The following PRDM6 variants were observed in gnomAD, a reference collection of about 807,000 sequenced individuals.
The protein encoded by PRDM6 is PR/SET domain 6, also known as putative histone-lysine N-methyltransferase PRDM6.
In PRDM6, 25 loss-of-function variants were observed where a neutral mutation model predicts 60.8. The observed-to-expected ratio is 0.41, with a 90% CI of 0.30 to 0.57. The LOEUF is 0.57. PRDM6 is among the 20% of genes least tolerant of loss of function. The pLI is 0.27. For synonymous variants in PRDM6, 407 were observed against 357.4 expected (o/e 1.14, Z -1.57); for missense variants, 839 against 821.3 (o/e 1.02, Z -0.26).
At chr5:123,153,460 C>T (rs1295294922) in intron 3 of PRDM6, among the ~76,000 whole-genome samples, 2 of 152,076 alleles carry the variant, frequency 1.3e-5, no homozygotes, top group African/African-American at 4.8e-5. Context: ...TTGTTCAACT[C>T]TGGGTATGTA....
intron 6 of PRDM6, among the ~76,000 whole-genome samples, chr5:123,177,004 A>G (rs1766027536): frequency 6.6e-6 from 1 of 152,218 alleles, no homozygotes. Context: ...ATATTGAAAG[A>G]CGTGGAGTTA....
At chr5:123,130,173 TCC>T (rs1561836416) in intron 3 of PRDM6, among the ~76,000 whole-genome samples, 3 of 33,218 alleles carry the variant, frequency 9.0e-5, no homozygotes, top group African/African-American at 3.6e-4. Flanking sequence ...TCCCCTCCCC[TCC>T]CCTTCCCTTC....
At chr5:123,154,193 A>G (rs1190801199) in intron 3 of PRDM6, among the ~76,000 whole-genome samples, 1 of 152,260 alleles carries the variant, frequency 6.6e-6, no homozygotes, top group Non-Finnish European at 1.5e-5. Context: ...AGAAACAACT[A>G]CAGTGTAATC....
Position 123,187,411 on chromosome 5 carries a change from G to T in PRDM6, c.*210G>T. The T allele has an allele frequency of 2.6e-6, 1 of 389,394 alleles. No homozygotes were observed. The highest frequency in any genetic ancestry group is 4.8e-6 in the Non-Finnish European group (1 of 208,814). 24.1% of individuals were successfully genotyped at this position (389,394 alleles called of 1,614,324 possible). A position where few individuals can be genotyped will look rare whatever the true frequency, so the allele number is the denominator to read the frequency against. ...TTATTTATTTATGACTTAGGGATGA[G>T]ACTTATTTCAGTGGACAACTAACCT... On this transcript the variant is annotated 3_prime_UTR_variant, in exon 8 of 8. Coordinates refer to ENST00000407847, the MANE Select transcript of PRDM6 (RefSeq NM_001136239.4).
intron 3 of PRDM6, among the ~76,000 whole-genome samples, chr5:123,117,741 G>A (rs370850355): frequency 2.7e-5 from 4 of 149,048 alleles, no homozygotes; most frequent in East Asian, 4.0e-4. Flanking sequence ...AGTGTGTCAC[G>A]TTGGGATGAA....
intron 7 of PRDM6, among the ~76,000 whole-genome samples, chr5:123,186,762 CT>C (rs1766297578): frequency 6.6e-6 from 1 of 152,232 alleles, no homozygotes; most frequent in African/African-American, 2.4e-5. Flanking sequence ...TGCAGGCAAG[CT>C]GCTTCTTTGA....
At chr5:123,120,231 T>G (rs1352120256) in intron 3 of PRDM6, among the ~76,000 whole-genome samples, 1 of 152,256 alleles carries the variant, frequency 6.6e-6, no homozygotes, top group East Asian at 1.9e-4. Flanking sequence ...CAAATGTGCA[T>G]AATTTAAAAA....
intron 3 of PRDM6, among the ~76,000 whole-genome samples, chr5:123,127,758 C>CCTTTCTTTCTTTCTTT (rs767465284): frequency 2.7e-5 from 4 of 145,486 alleles, no homozygotes; most frequent in African/African-American, 1.0e-4. Context: ...TCCTTTCTTT[C>CCTTTCTTTCTTTCTTT]CTTTCTTTCT....
chr5:123,092,933 T>C (rs1458958117), intron 2 of PRDM6, among the ~76,000 whole-genome samples: 4 of 152,082 alleles, frequency 2.6e-5, no homozygotes, highest in Non-Finnish European at 5.9e-5. Flanking sequence ...TTAAAACAAG[T>C]CAGAAATGCA....
chr5:123,149,965 A>C (rs335154), intron 3 of PRDM6, among the ~76,000 whole-genome samples: 109,247 of 151,984 alleles, frequency 0.72, 39,408 homozygotes, highest in Non-Finnish European at 0.75. Context: ...CCTTAGAAAT[A>C]GTTTATTTGC....
intron 2 of PRDM6, among the ~76,000 whole-genome samples, chr5:123,098,483 C>T (rs1234777376): frequency 6.6e-6 from 1 of 152,234 alleles, no homozygotes; most frequent in Non-Finnish European, 1.5e-5. Context: ...GAGGGCGCTG[C>T]GATCCGACAG....
intron 7 of PRDM6, among the ~76,000 whole-genome samples, chr5:123,182,498 A>G (rs1766187904): frequency 6.6e-6 from 1 of 152,228 alleles, no homozygotes; most frequent in Non-Finnish European, 1.5e-5. Flanking sequence ...CAGGGTCAAA[A>G]TGGGAAATAG....
rs1189222115 is a variant in PRDM6, at chr5:123,090,658, G to A, written c.592+52G>A. The stretch of plus-strand genomic sequence containing the variant: ...CTCCCGGGGCGCCGGCGCCGGCGCC[G>A]GCGGGCGCGGGTGCCTGTCAGGGAG... On this transcript the variant is annotated intron_variant, in intron 2 of 7. Transcript: ENST00000407847. 1.3e-5 allele frequency: 15 copies of A among 1,121,810 alleles called. No individual in the cohort carries two copies. The East Asian group carries it at 3.7e-4, about 28-fold the overall frequency. 69.5% of individuals were successfully genotyped at this position (1,121,810 alleles called of 1,614,324 possible).
At chr5:123,166,144 T>C (rs1007711954) in intron 5 of PRDM6, among the ~76,000 whole-genome samples, 2 of 152,224 alleles carry the variant, frequency 1.3e-5, no homozygotes, top group Non-Finnish European at 2.9e-5. Flanking sequence ...TTGTGCTGCC[T>C]TCCTCTCAAG....
chr5:123,173,751 A>G (rs745995316), intron 6 of PRDM6, among the ~76,000 whole-genome samples: 10 of 152,218 alleles, frequency 6.6e-5, no homozygotes, highest in Non-Finnish European at 1.5e-4. Context: ...AAATAGAGGG[A>G]GATATCCAGT....
chr5:123,179,128 G>T (rs945286019), intron 6 of PRDM6, among the ~76,000 whole-genome samples: 4 of 152,202 alleles, frequency 2.6e-5, no homozygotes, highest in African/African-American at 9.6e-5. Context: ...ACCAGATTCT[G>T]CTTAAGTAAG....
chr5:123,180,735 G>A (rs1436882436), intron 7 of PRDM6, among the ~76,000 whole-genome samples: 3 of 152,254 alleles, frequency 2.0e-5, no homozygotes, highest in Non-Finnish European at 2.9e-5. Flanking sequence ...TAGAACATCC[G>A]AATAATCCCC....
chr5:123,126,359 G>A (rs1030407506), intron 3 of PRDM6, among the ~76,000 whole-genome samples: 4 of 151,694 alleles, frequency 2.6e-5, no homozygotes, highest in African/African-American at 7.3e-5. Context: ...GTGAGTGACC[G>A]CTTAAAAGTC....
intron 5 of PRDM6, among the ~76,000 whole-genome samples, chr5:123,166,364 A>G (rs1306121475): frequency 1.3e-5 from 2 of 152,086 alleles, no homozygotes; most frequent in African/African-American, 4.8e-5. Flanking sequence ...CTGATTTATC[A>G]TTTCCTGATA....
Sources: allele counts gnomAD v4.1 joint callset (sites outside exome capture counted in the v4.1 genomes callset), GRCh38; gene constraint gnomAD v4.1.1; transcripts MANE v1.5; gene names NCBI Gene and HGNC (gene_info 2026-07-23, HGNC 2026-07-21).